ARID3C: variants seen among roughly 807,000 people sequenced by gnomAD.
The protein encoded by ARID3C is AT-rich interactive domain-containing protein 3C.
A neutral mutation model predicts 37.9 loss-of-function variants in ARID3C; 42 were observed. The ratio of observed to expected loss-of-function variants is 1.11; its 90% CI spans 0.87 to 1.43. The LOEUF is 1.43. Among genes scored for constraint, ARID3C ranks in the 40% most tolerant of loss-of-function variants. The pLI, the probability that ARID3C is intolerant of heterozygous loss-of-function variation, is 0.00. For missense variants in ARID3C, 581 were observed against 548.8 expected, an observed-to-expected ratio of 1.06 and a Z score of -0.59; for synonymous variants, 213 against 228.0, an observed-to-expected ratio of 0.93 and a Z score of 0.59.
exon 7 of ARID3C, chr9:34,621,546 G>A (rs1435187857): frequency 6.4e-7 from 1 of 1,573,450 alleles, no homozygotes; most frequent in South Asian, 1.2e-5. Flanking sequence ...CTGGCGGCGG[G>A]CAAAGAGGAC....
upstream of ARID3C, among the ~76,000 whole-genome samples, chr9:34,630,168 A>G (rs1218869177): frequency 6.6e-6 from 1 of 152,210 alleles, no homozygotes; most frequent in African/African-American, 2.4e-5. Context: ...CCATGTTCAC[A>G]CACATTCTCC....
At chr9:34,629,253 C>A (rs1820701116), upstream of ARID3C, among the ~76,000 whole-genome samples, 1 of 152,198 alleles carries the variant, frequency 6.6e-6, no homozygotes, top group South Asian at 2.1e-4. Flanking sequence ...AGGGCTCTAC[C>A]GCCACCGGAC....
At chr9:34,622,525 C>T (rs1820590283) in exon 5 of ARID3C, 1 of 1,602,484 alleles carries the variant, frequency 6.2e-7, no homozygotes, top group Admixed American at 1.7e-5. Context: ...GAATTCCACT[C>T]TCCTCTAGAA....
At chr9:34,630,038 C>T (rs1025303646), upstream of ARID3C, among the ~76,000 whole-genome samples, 2 of 152,314 alleles carry the variant, frequency 1.3e-5, no homozygotes, top group Non-Finnish European at 2.9e-5. Context: ...GCTGGGATTA[C>T]AGGCATGAGC....
At chr9:34,623,937 C>A in exon 3 of ARID3C, 1 of 1,606,312 alleles carries the variant, frequency 6.2e-7, no homozygotes, top group Non-Finnish European at 8.5e-7. Flanking sequence ...TCCCGCCACA[C>A]TTTGCGGTTG....
rs768276005 is a variant in ARID3C at position 34,623,820 on chromosome 9, C to T, written c.575+44G>A. The T allele has an allele frequency of 3.9e-6, 6 of 1,524,128 alleles. No homozygotes were observed. In the South Asian group the frequency reaches 6.0e-5, roughly 15 times the overall value. The allele number at this position is 1,524,128 out of a possible 1,614,324, so 94.4% of individuals were successfully genotyped here. ...GACCCTCCCCCCTCCCGCCCCAGGCCGAACCCGTGCCCCCTTCCCTTCCGC... is the reference window on the plus strand; with the variant it reads ...GACCCTCCCCCCTCCCGCCCCAGGCTGAACCCGTGCCCCCTTCCCTTCCGC... On this transcript the variant is annotated intron_variant, in intron 3 of 6. Coordinates refer to ENST00000378909, the Ensembl canonical transcript of ARID3C.
chr9:34,627,861 C>T (rs750102872), exon 1 of ARID3C: 3 of 1,590,640 alleles, frequency 1.9e-6, no homozygotes, highest in African/African-American at 1.3e-5. Flanking sequence ...TCTTCCTCTT[C>T]CTCAGCCCCA....
At chr9:34,626,749 T>C (rs776029738) in intron 1 of ARID3C, among the ~76,000 whole-genome samples, 1 of 152,116 alleles carries the variant, frequency 6.6e-6, no homozygotes, top group East Asian at 1.9e-4. Context: ...TAGATCCAAG[T>C]AATAACCCCT....
In ARID3C at chr9:34,624,034, G is replaced by A; in HGVS notation, c.405C>T (p.Asn135=). ...CCTGCTTCGCCATGATGGGCACGCG[G>A]TTCACTGGCGTCCCTGGTGGGGAGC... is the stretch of plus-strand genomic sequence containing the variant. The change falls in exon 3 of 7, where the codon AAC becomes AAT. Residue 135 remains asparagine (N), a synonymous_variant. Coordinates refer to ENST00000378909, the Ensembl canonical transcript of ARID3C. 4 of 1,589,790 alleles carry A rather than the reference G, an allele frequency of 2.5e-6. No individual in the cohort carries two copies. The Admixed American group carries it at 6.8e-5, about 27-fold the overall frequency.
intron 1 of ARID3C, 40 bp downstream of exon 2, chr9:34,627,656 AG>A: frequency 1.3e-6 from 2 of 1,532,134 alleles, no homozygotes; most frequent in Non-Finnish European, 1.8e-6. Flanking sequence ...CAGAAGAGAG[AG>A]ATAGGGAAGA....
intron 6 of ARID3C, 129 bp downstream of exon 7, chr9:34,621,891 G>T: frequency 2.1e-6 from 2 of 953,172 alleles, no homozygotes; most frequent in Non-Finnish European, 3.3e-6. Context: ...GCAATCCCCT[G>T]AACTCCATGT....
upstream of ARID3C, among the ~76,000 whole-genome samples, chr9:34,628,288 C>A (rs977183111): frequency 6.6e-6 from 1 of 152,012 alleles, no homozygotes; most frequent in Non-Finnish European, 1.5e-5. The surrounding 1 kb of genome is among the most constrained non-coding windows in gnomAD (Gnocchi z 5.2). Context: ...GTGAGCAGAT[C>A]AGAGAGGGTG....
In ARID3C at chr9:34,625,824, G is replaced by T; in HGVS notation, c.319-10C>A. The T allele has an allele frequency of 1.2e-6, 2 of 1,613,784 alleles. No homozygotes were observed. Among genetic ancestry groups the T allele is most frequent in the Non-Finnish European group, 1.7e-6 (2 of 1,179,762 alleles). ...CATCGAGCTCATACAGCTGGGGAAG[G>T]ATTGGGGTCATTCTACAGCTCTGCT... On this transcript the variant is annotated splice_polypyrimidine_tract_variant and intron_variant, in intron 1 of 6. Coordinates refer to ENST00000378909, the Ensembl canonical transcript of ARID3C.
At chr9:34,624,445 T>C (rs577331403) in intron 2 of ARID3C, among the ~76,000 whole-genome samples, 1 of 152,378 alleles carries the variant, frequency 6.6e-6, no homozygotes, top group African/African-American at 2.4e-5. Context: ...AAACCATTCT[T>C]ATCTTGCAGG....
At chr9:34,621,348 G>A (rs148006007), downstream of ARID3C, 347 of 726,520 alleles carry the variant, frequency 4.8e-4, no homozygotes, top group African/African-American at 4.8e-3. Flanking sequence ...GGGAGGTGTC[G>A]TCCCCTCCCA....
chr9:34,631,457 G>A (rs1198888000), upstream of ARID3C, among the ~76,000 whole-genome samples: 1 of 152,136 alleles, frequency 6.6e-6, no homozygotes, highest in East Asian at 1.9e-4. Flanking sequence ...TCACAGAGAC[G>A]GAGACAGACC....
rs562769846 is a variant in ARID3C, at chr9:34,624,713, C to G, written c.392-666G>C. Among the ~76,000 whole-genome samples the G allele has an allele frequency of 3.9e-5, 6 of 152,354 alleles. No individual in the cohort carries two copies. In the South Asian group the frequency reaches 1.2e-3, roughly 32 times the overall value. On this transcript the variant is annotated intron_variant, in intron 2 of 6. Coordinates refer to ENST00000378909, the Ensembl canonical transcript of ARID3C. The stretch of plus-strand genomic sequence containing the variant: ...GCGATGGGCCCCAGTTAATTCCTTA[C>G]CGATCCCGTCCCCTTCCGCCGCGCC...
At chr9:34,622,720 AG>A (rs1353528227) in intron 4 of ARID3C, among the ~76,000 whole-genome samples, 191 bp from the exon 6 acceptor site, 1 of 152,230 alleles carries the variant, frequency 6.6e-6, no homozygotes, top group Non-Finnish European at 1.5e-5. Context: ...CAAAGGATCA[AG>A]GTACATGTCT....
chr9:34,621,709 G>C (rs1820565376), intron 6 of ARID3C, 151 bp from the exon 8 acceptor site: 13 of 664,952 alleles, frequency 2.0e-5, no homozygotes, highest in Non-Finnish European at 5.2e-6. Context: ...AAGCTCCTTG[G>C]GTCAGTAAGA....
Sources: gnomAD v4.1 joint callset for allele counts (sites outside exome capture counted in the v4.1 genomes callset) on GRCh38, gnomAD v4.1.1 for gene constraint, Gnocchi (gnomAD v3.1) non-coding constraint, MANE v1.5 for transcripts, NCBI Gene and HGNC (gene_info 2026-07-23, HGNC 2026-07-21) for gene names.